Variants in RHOBTB1 observed in about 807,000 individuals in gnomAD.
The protein encoded by RHOBTB1 is rho-related BTB domain-containing protein 1.
RHOBTB1 carries 40 observed loss-of-function variants against 71.6 expected under a neutral mutation model. That is an observed-to-expected ratio of 0.56 (90% CI 0.43 to 0.73). The LOEUF (loss-of-function observed/expected upper bound fraction) is 0.73. RHOBTB1 is among the 30% of genes least tolerant of loss of function. RHOBTB1 has a pLI of 0.00. For synonymous variants in RHOBTB1, 319 were observed against 334.9 expected, an observed-to-expected ratio of 0.95 and a Z score of 0.52; for missense variants, 797 against 894.0, an observed-to-expected ratio of 0.89 and a Z score of 1.38.
intron 2 of RHOBTB1, among the ~76,000 whole-genome samples, chr10:60,957,437 G>A (rs894468737): frequency 3.9e-5 from 6 of 152,122 alleles, no homozygotes; most frequent in East Asian, 1.9e-4. Context: ...GACCGCTGTC[G>A]TATGTGCTGT....
intron 2 of RHOBTB1, among the ~76,000 whole-genome samples, chr10:60,964,232 G>T (rs906401020): frequency 2.6e-5 from 4 of 152,068 alleles, no homozygotes; most frequent in East Asian, 1.9e-4. Flanking sequence ...CTGCCAATTT[G>T]CTCACAGAAG....
At chr10:60,995,052 C>G (rs71499295) in intron 1 of RHOBTB1, among the ~76,000 whole-genome samples, 1 of 151,950 alleles carries the variant, frequency 6.6e-6, no homozygotes, top group Non-Finnish European at 1.5e-5. Flanking sequence ...ACCCTGGCTG[C>G]GTACATCAAT....
intron 2 of RHOBTB1, among the ~76,000 whole-genome samples, chr10:60,929,302 A>T (rs2084087332): frequency 1.3e-5 from 2 of 152,194 alleles, no homozygotes; most frequent in Admixed American, 1.3e-4. Flanking sequence ...TGCATCCATA[A>T]TAATTGAAAA....
intron 10 of RHOBTB1, 55 bp from the exon 11 acceptor site, chr10:60,871,706 G>C (rs2080795203): frequency 6.5e-7 from 1 of 1,527,682 alleles, no homozygotes; most frequent in East Asian, 2.3e-5. Flanking sequence ...TGCCTTTTAT[G>C]TGCTAGGCCT....
At chr10:60,996,608 T>C (rs1189149590) in intron 1 of RHOBTB1, among the ~76,000 whole-genome samples, 4 of 152,134 alleles carry the variant, frequency 2.6e-5, no homozygotes, top group Admixed American at 2.0e-4. Flanking sequence ...TGTTGGAATG[T>C]GCCATGGGGG....
intron 2 of RHOBTB1, among the ~76,000 whole-genome samples, chr10:60,983,444 C>G (rs1289764567): frequency 6.6e-6 from 1 of 152,058 alleles, no homozygotes; most frequent in African/African-American, 2.4e-5. Flanking sequence ...AGAACAAAAG[C>G]ACATTATTGT....
chr10:60,897,655 T>C (rs1047633120), intron 4 of RHOBTB1, among the ~76,000 whole-genome samples: 1 of 152,208 alleles, frequency 6.6e-6, no homozygotes, highest in African/African-American at 2.4e-5. Context: ...GTTGGGTCTC[T>C]TGATACAGTA....
chr10:60,902,625 G>C (rs1038820837), intron 4 of RHOBTB1, among the ~76,000 whole-genome samples: 1 of 152,156 alleles, frequency 6.6e-6, no homozygotes, highest in African/African-American at 2.4e-5. Context: ...TGAGGGTGTG[G>C]CTGAGTGTAA....
intron 2 of RHOBTB1, among the ~76,000 whole-genome samples, chr10:60,981,841 C>T (rs546239821): frequency 6.6e-6 from 1 of 152,100 alleles, no homozygotes; most frequent in East Asian, 1.9e-4. Context: ...GCGACCTCGG[C>T]TCACTGCAAC....
chr10:60,897,767 C>T (rs1360603385), intron 4 of RHOBTB1, among the ~76,000 whole-genome samples: 42 of 152,072 alleles, frequency 2.8e-4, no homozygotes, highest in Non-Finnish European at 1.5e-5. Flanking sequence ...AGTGAAGTGG[C>T]TCAATCTCGG....
intron 2 of RHOBTB1, 64 bp from the exon 3 acceptor site, chr10:60,911,616 A>G (rs2271127): frequency 0.035 from 48,679 of 1,376,418 alleles, 1,906 homozygotes; most frequent in African/African-American, 0.19. Flanking sequence ...TCAAAGACGT[A>G]AGAGGTTCAG....
At chr10:60,987,846 C>T (rs181218006) in intron 1 of RHOBTB1, among the ~76,000 whole-genome samples, 30 of 151,860 alleles carry the variant, frequency 2.0e-4, no homozygotes, top group Non-Finnish European at 4.0e-4. Flanking sequence ...TCTCCACCCC[C>T]TAACCCCTGA....
intron 1 of RHOBTB1, among the ~76,000 whole-genome samples, chr10:60,987,490 C>T (rs1761955325): frequency 6.6e-6 from 1 of 152,130 alleles, no homozygotes; most frequent in Non-Finnish European, 1.5e-5. Flanking sequence ...TAGATTATGG[C>T]CACCTTGCAT....
At chr10:60,955,312 A>G (rs141885770) in intron 2 of RHOBTB1, among the ~76,000 whole-genome samples, 2 of 152,214 alleles carry the variant, frequency 1.3e-5, no homozygotes, top group East Asian at 3.9e-4. Context: ...AAGTGCTGGG[A>G]TTACAGGCAT....
intron 2 of RHOBTB1, among the ~76,000 whole-genome samples, chr10:60,981,200 T>C (rs1432802850): frequency 6.6e-6 from 1 of 152,188 alleles, no homozygotes; most frequent in Non-Finnish European, 1.5e-5. Context: ...CTTAACATCA[T>C]AGTTATCATT....
intron 2 of RHOBTB1, among the ~76,000 whole-genome samples, chr10:60,953,990 T>C (rs12220887): frequency 0.51 from 76,569 of 151,540 alleles, 19,637 homozygotes; most frequent in East Asian, 0.76. Context: ...CTCTATTCCA[T>C]GTTATTGTGG....
At chr10:60,922,205 A>G (rs1253225324) in intron 2 of RHOBTB1, among the ~76,000 whole-genome samples, 1 of 152,194 alleles carries the variant, frequency 6.6e-6, no homozygotes, top group Non-Finnish European at 1.5e-5. Flanking sequence ...AAAGAAAGGA[A>G]AAAAGGGAGG....
intron 4 of RHOBTB1, among the ~76,000 whole-genome samples, chr10:60,910,321 CCT>C (rs1564916672): frequency 6.6e-6 from 1 of 151,920 alleles, no homozygotes; most frequent in Non-Finnish European, 1.5e-5. Flanking sequence ...ATTTTTTTCT[CCT>C]TTTTAAAAAA....
Position 60,987,919 on chromosome 10 carries a change from C to CTTTTTTTTTTTTTTTTT in RHOBTB1, c.-162-1991_-162-1975dup, listed in dbSNP as rs71018937. ...GCTGTCTGCTGTCTGAAATACTCAA[C>CTTTTTTTTTTTTTTTTT]TTTTTTTTTTTTTTTTTTTTTTTTT... is the stretch of plus-strand genomic sequence containing the variant. On this transcript the variant is annotated intron_variant, in intron 1 of 11. Transcript: ENST00000357917. 3.7e-5 allele frequency among the ~76,000 whole-genome samples: 2 copies of CTTTTTTTTTTTTTTTTT among 53,684 alleles called. 1 individual carries two copies. The highest frequency in any genetic ancestry group is 1.5e-4 in the African/African-American group (2 of 13,726). 35.2% of individuals were successfully genotyped at this position (53,684 alleles called of 152,430 possible).
Sources: allele counts gnomAD v4.1 joint callset (sites outside exome capture counted in the v4.1 genomes callset), GRCh38; gene constraint gnomAD v4.1.1; transcripts MANE v1.5; gene names NCBI Gene and HGNC (gene_info 2026-07-23, HGNC 2026-07-21).